The following TPR variants were observed in gnomAD, a reference collection of about 807,000 sequenced individuals.
The protein encoded by TPR is translocated promoter region, nuclear basket protein.
Under a neutral mutation model 316.1 loss-of-function variants are expected in TPR, and 51 were observed. That is an observed-to-expected ratio of 0.16 (90% CI 0.13 to 0.20). The LOEUF (loss-of-function observed/expected upper bound fraction) is 0.20, where lower values mean the gene tolerates loss of function less well. Among genes scored for constraint, TPR ranks in the 10% least tolerant of loss-of-function variants. The probability of loss-of-function intolerance (pLI) is 1.00; values close to 1 mark genes in which losing one functional copy is unlikely to be tolerated. For missense variants in TPR, 2,272 were observed against 2,754.8 expected, an observed-to-expected ratio of 0.82 and a Z score of 3.92; for synonymous variants, 981 against 914.7, an observed-to-expected ratio of 1.07 and a Z score of -1.31.
chr1:186,337,145 T>C lies in TPR; in HGVS notation c.4374A>G (p.Thr1458=), dbSNP rs1268700127. 5.0e-6 allele frequency: 8 copies of C among 1,613,558 alleles called. No individual in the cohort carries two copies. Among genetic ancestry groups the C allele is most frequent in the East Asian group, 2.2e-5 (1 of 44,862 alleles). The change falls in exon 32 of 51, where the codon ACA becomes ACG. Residue 1458 remains threonine, a synonymous_variant. Transcript: ENST00000367478. Reference sequence around the variant, plus strand: ...GATGGTCTCCAGAGGACTGAGCCGATGTCTCCATAACCTAAGACAACAAAC... The same window carrying C: ...GATGGTCTCCAGAGGACTGAGCCGACGTCTCCATAACCTAAGACAACAAAC... The part of the protein sequence containing the change: ...LKAQQDKVME[T]SAQSSGDHQE...
At position 186,343,487 on chromosome 1, in the gene TPR, G is replaced by A; in HGVS notation, c.3603-14C>T. 6.3e-7 allele frequency: 1 copy of A among 1,597,870 alleles called. No homozygotes were observed. The highest frequency in any genetic ancestry group is 8.5e-7 in the Non-Finnish European group (1 of 1,175,144). On this transcript the variant is annotated splice_polypyrimidine_tract_variant and intron_variant, in intron 26 of 50. Coordinates refer to ENST00000367478, the MANE Select transcript of TPR (RefSeq NM_003292.3). ...CGTCGTATAAATCTACAAAAATACA[G>A]ATATTAAAATTTTATGTGAATTTTA...
intron 21 of TPR, among the ~76,000 whole-genome samples, chr1:186,348,840 T>C (rs926360199): frequency 6.6e-6 from 1 of 152,214 alleles, no homozygotes; most frequent in African/African-American, 2.4e-5. Flanking sequence ...CCAATTTTTA[T>C]TGTAAGTACA....
chr1:186,360,913 A>T lies in TPR; in HGVS notation c.959-8T>A, dbSNP rs762096352. 44 of 1,603,642 alleles carry T rather than the reference A, an allele frequency of 2.7e-5. No individual in the cohort carries two copies. The highest frequency in any genetic ancestry group is 3.7e-5 in the Non-Finnish European group (43 of 1,176,512). On this transcript the variant is annotated splice_polypyrimidine_tract_variant and splice_region_variant and intron_variant, in intron 9 of 50. Coordinates refer to ENST00000367478, the MANE Select transcript of TPR (RefSeq NM_003292.3). Reference sequence around the variant, plus strand: ...CTTGTATTGCTTTGTTGGCTAAAAAACAATTTTAAAGACCAAATATTCAAA... The same window carrying T: ...CTTGTATTGCTTTGTTGGCTAAAAATCAATTTTAAAGACCAAATATTCAAA...
chr1:186,338,909 TAA>T (rs1399077889), intron 30 of TPR, among the ~76,000 whole-genome samples: 1 of 152,190 alleles, frequency 6.6e-6, no homozygotes, highest in African/African-American at 2.4e-5. Context: ...GATTAAAATA[TAA>T]CTCTCCTACT....
At chr1:186,360,135 C>A in intron 11 of TPR, 138 bp downstream of exon 11, 1 of 1,294,768 alleles carries the variant, frequency 7.7e-7, no homozygotes, top group Non-Finnish European at 1.1e-6. Context: ...CACTAGGAAC[C>A]AAAGAAAGCC....
Position 186,311,976 on chromosome 1 carries a change from A to T in TPR, c.*1995T>A, listed in dbSNP as rs1367822482. On this transcript the variant is annotated 3_prime_UTR_variant, in exon 51 of 51. Coordinates refer to ENST00000367478, the MANE Select transcript of TPR (RefSeq NM_003292.3). Reference sequence around the variant, plus strand: ...AATATATAACTATGTAATTTGCTGCATCTATTCATTCAACAAGTATTTCAG... The same window carrying T: ...AATATATAACTATGTAATTTGCTGCTTCTATTCATTCAACAAGTATTTCAG... 1.7e-6 allele frequency: 1 copy of T among 576,544 alleles called. No individual in the cohort carries two copies. Among genetic ancestry groups the T allele is most frequent in the Non-Finnish European group, 3.0e-6 (1 of 330,420 alleles). The allele number at this position is 576,544 out of a possible 1,614,324, so 35.7% of individuals were successfully genotyped here.
chr1:186,368,341 G>C (rs1165628746), intron 3 of TPR, among the ~76,000 whole-genome samples: 4 of 152,206 alleles, frequency 2.6e-5, no homozygotes, highest in African/African-American at 9.6e-5. Flanking sequence ...GCCAGGTGCA[G>C]TGGCTCATGC....
chr1:186,357,224 T>A (rs994331016), intron 14 of TPR, among the ~76,000 whole-genome samples, 173 bp downstream of exon 14: 2 of 151,922 alleles, frequency 1.3e-5, no homozygotes, highest in Non-Finnish European at 2.9e-5. Flanking sequence ...AATTTTTTAC[T>A]TTTTTTTGAG....
At chr1:186,351,545 A>G in intron 19 of TPR, 75 bp from the exon 20 acceptor site, 1 of 1,456,386 alleles carries the variant, frequency 6.9e-7, no homozygotes, top group Non-Finnish European at 9.1e-7. Context: ...AAGGCAAGAA[A>G]GAATTACAAT....
In TPR at chr1:186,349,673, A is replaced by AAT. The variant is rs1658799126; in HGVS notation, c.2776+549_2776+550insAT. 6.4e-5 allele frequency among the ~76,000 whole-genome samples: 9 copies of AAT among 139,864 alleles called. No homozygotes were observed. The East Asian group carries it at 1.3e-3, about 19-fold the overall frequency. The allele number at this position is 139,864 out of a possible 152,430, so 91.8% of individuals were successfully genotyped here. On this transcript the variant is annotated intron_variant, in intron 21 of 50. Coordinates refer to ENST00000367478, the MANE Select transcript of TPR (RefSeq NM_003292.3). ...AGACTCTCTCTCAAAAAAAAAAAAA[A>AAT]AAATAAATAAATAAATAAAACCATA...
intron 42 of TPR, among the ~76,000 whole-genome samples, chr1:186,324,542 GTC>G (rs1657860266): frequency 6.6e-6 from 1 of 152,140 alleles, no homozygotes; most frequent in Admixed American, 6.5e-5. Flanking sequence ...TAGTTTAAAA[GTC>G]TGAGGTCTAG....
At chr1:186,337,743 GTCA>G (rs1170503628) in intron 31 of TPR, among the ~76,000 whole-genome samples, 1 of 151,740 alleles carries the variant, frequency 6.6e-6, no homozygotes, top group Non-Finnish European at 1.5e-5. Context: ...AACCAGATTA[GTCA>G]TCATTTTTTA....
intron 1 of TPR, among the ~76,000 whole-genome samples, chr1:186,374,469 A>G (rs1558046797): frequency 6.6e-6 from 1 of 152,254 alleles, no homozygotes; most frequent in Non-Finnish European, 1.5e-5. Context: ...GAACAAGTGC[A>G]CAGAGTGGTC....
intron 46 of TPR, among the ~76,000 whole-genome samples, chr1:186,319,998 G>C (rs1207813820): frequency 6.6e-6 from 1 of 152,110 alleles, no homozygotes; most frequent in East Asian, 1.9e-4. Flanking sequence ...AAAATGGCTA[G>C]TAGTACCTAT....
chr1:186,314,706 G>A lies in TPR; in HGVS notation c.6959C>T (p.Pro2320Leu). 1 of 1,611,778 alleles carries A rather than the reference G, an allele frequency of 6.2e-7. No homozygotes were observed. The highest frequency in any genetic ancestry group is 8.5e-7 in the Non-Finnish European group (1 of 1,178,708). Residue 2320 changes from proline (P) to leucine (L), a missense_variant, in exon 50 of 51, where the codon CCA becomes CTA. Pro to Leu is a moderately conservative substitution (Grantham distance 98). Around this residue, in one of 10 missense-constraint regions of TPR, gnomAD observed 123 missense variants for 142.3 expected, o/e 0.86. Transcript: ENST00000367478. ...SSSVDTSSSQ[P>L]KPFRRVRLQT... ...AAGTCTTACTCGTCTGAAAGGCTTTGGTTGACTACTACTAGTATCTAAGAA... is the reference window on the plus strand; with the variant it reads ...AAGTCTTACTCGTCTGAAAGGCTTTAGTTGACTACTACTAGTATCTAAGAA...
intron 49 of TPR, among the ~76,000 whole-genome samples, chr1:186,316,913 T>C (rs1398427046): frequency 1.3e-5 from 2 of 152,232 alleles, no homozygotes; most frequent in East Asian, 3.8e-4. Flanking sequence ...ACAGGAATAA[T>C]ACATATCTTT....
At position 186,326,170 on chromosome 1, in the gene TPR, A is replaced by G. The variant is rs1445388877; in HGVS notation, c.5955T>C (p.Gly1985=). 1 of 1,610,466 alleles carries G rather than the reference A, an allele frequency of 6.2e-7. No homozygotes were observed. Among genetic ancestry groups the G allele is most frequent in the East Asian group, 2.2e-5 (1 of 44,824 alleles). Residue 1985 remains glycine, a synonymous_variant, in exon 41 of 51, where the codon GGT becomes GGC. Coordinates refer to ENST00000367478, the MANE Select transcript of TPR (RefSeq NM_003292.3). ...DEDDTGMGDE[G]EDSNEGTGSA... ...TACCAGTTCCTTCATTACTATCTTC[A>G]CCCTCATCTCCCATCCCTGTGTCAT...
In TPR at chr1:186,359,928, A is replaced by C; in HGVS notation, c.1260T>G (p.Asn420Lys). 4 of 1,609,600 alleles carry C rather than the reference A, an allele frequency of 2.5e-6. No homozygotes were observed. The highest frequency in any genetic ancestry group is 3.4e-6 in the Non-Finnish European group (4 of 1,178,858). Reference sequence around the variant, plus strand: ...CTTTCACTATTTCATCTAGGTACTTATTAATTCTTTTGTTCTCTAGTTTCT... The same window carrying C: ...CTTTCACTATTTCATCTAGGTACTTCTTAATTCTTTTGTTCTCTAGTTTCT... ...LLEKLENKRINKYLDEIVKEV... is the reference protein window; with the variant it reads ...LLEKLENKRIKKYLDEIVKEV... Residue 420 changes from asparagine (N) to lysine (K), a missense_variant, in exon 12 of 51, where the codon AAT (asparagine) becomes AAG (lysine). Coordinates refer to ENST00000367478, the MANE Select transcript of TPR (RefSeq NM_003292.3).
At chr1:186,324,391 C>T (rs1417574301) in intron 42 of TPR, among the ~76,000 whole-genome samples, 1 of 152,150 alleles carries the variant, frequency 6.6e-6, no homozygotes, top group Non-Finnish European at 1.5e-5. Flanking sequence ...CTTACAACTA[C>T]ATTTTAATCT....
Sources: gnomAD v4.1 joint callset for allele counts (sites outside exome capture counted in the v4.1 genomes callset) on GRCh38, gnomAD v4.1.1 for gene constraint, gnomAD v4.1.1 regional missense constraint, MANE v1.5 for transcripts, NCBI Gene and HGNC (gene_info 2026-07-23, HGNC 2026-07-21) for gene names.